ADGRA3: variants seen among roughly 807,000 people sequenced by gnomAD.
ADGRA3 encodes the protein adhesion G protein-coupled receptor A3.
Under a neutral mutation model 119.8 loss-of-function variants are expected in ADGRA3, and 56 were observed. That is an observed-to-expected ratio of 0.47 (90% CI 0.38 to 0.58). ADGRA3 has a LOEUF of 0.58. Ranked by LOEUF, ADGRA3 falls within the 20% of genes least tolerant of loss-of-function variation. ADGRA3 has a pLI of 0.00. For missense variants in ADGRA3, 1,516 were observed against 1,649.0 expected (o/e 0.92, Z 1.40); for synonymous variants, 607 against 623.8 (o/e 0.97, Z 0.40).
chr4:22,390,114 C>T (rs148543783), intron 17 of ADGRA3, among the ~76,000 whole-genome samples: 32 of 151,850 alleles, frequency 2.1e-4, no homozygotes, highest in African/African-American at 6.5e-4. Flanking sequence ...GCCAATAATA[C>T]GTGACCTTCC....
rs1364278998 is a variant in ADGRA3, at chr4:22,487,795, G to C, written c.258-13952C>G. 2.0e-5 allele frequency among the ~76,000 whole-genome samples: 3 copies of C among 152,168 alleles called. No homozygotes were observed. In the East Asian group the frequency reaches 5.8e-4, roughly 29 times the overall value. On this transcript the variant is annotated intron_variant, in intron 1 of 18. Coordinates refer to ENST00000334304, the MANE Select transcript of ADGRA3 (RefSeq NM_145290.4). ...AAATTGAAGATGCTTACTCAAATTT[G>C]TGTTGTTAAATATTTCTCCAATTTA...
intron 1 of ADGRA3, among the ~76,000 whole-genome samples, chr4:22,507,885 T>C (rs1452882145): frequency 3.3e-5 from 5 of 152,190 alleles, no homozygotes; most frequent in Non-Finnish European, 7.3e-5. Flanking sequence ...AGATTGAATA[T>C]ACCCATCCTT....
chr4:22,411,471 T>C (rs2109021059), intron 14 of ADGRA3, among the ~76,000 whole-genome samples: 1 of 152,106 alleles, frequency 6.6e-6, no homozygotes, highest in African/African-American at 2.4e-5. Flanking sequence ...TGGTGGTGCC[T>C]GCCTGTAATC....
At chr4:22,412,579 T>C (rs772600918) in intron 14 of ADGRA3, among the ~76,000 whole-genome samples, 17 of 152,144 alleles carry the variant, frequency 1.1e-4, no homozygotes, top group Non-Finnish European at 2.5e-4. Flanking sequence ...ATCCAAAACA[T>C]TTTTAGTCCC....
intron 4 of ADGRA3, among the ~76,000 whole-genome samples, chr4:22,447,996 C>T (rs2109081511): frequency 6.6e-6 from 1 of 152,226 alleles, no homozygotes; most frequent in Non-Finnish European, 1.5e-5. Context: ...GAGTTCAGGG[C>T]TTAAAATGAG....
rs1719647750 is a variant in ADGRA3 at position 22,515,820 on chromosome 4, C to A, written c.-36G>T. ...GGGGCCTGCGGGGCGAGCGGCGGCG[C>A]ACTGGCCTAGCGGGCCGCCCCGGAG... On this transcript the variant is annotated 5_prime_UTR_variant, in exon 1 of 19. Coordinates refer to ENST00000334304, the MANE Select transcript of ADGRA3 (RefSeq NM_145290.4). 1 of 986,848 alleles carries A rather than the reference C, an allele frequency of 1.0e-6. No individual in the cohort carries two copies. Among genetic ancestry groups the A allele is most frequent in the African/African-American group, 1.8e-5 (1 of 56,896 alleles). 61.1% of individuals were successfully genotyped at this position (986,848 alleles called of 1,614,324 possible).
At chr4:22,489,771 C>G (rs1372228596) in intron 1 of ADGRA3, among the ~76,000 whole-genome samples, 1 of 152,126 alleles carries the variant, frequency 6.6e-6, no homozygotes, top group Non-Finnish European at 1.5e-5. Flanking sequence ...TATATTCTGC[C>G]TTCCCAAACC....
intron 1 of ADGRA3, among the ~76,000 whole-genome samples, chr4:22,497,666 C>CA (rs1718885617): frequency 6.8e-6 from 1 of 147,208 alleles, no homozygotes; most frequent in Non-Finnish European, 1.5e-5. Context: ...TACTAAAATC[C>CA]AAAAAAATTG....
chr4:22,410,829 C>G (rs1715160283), intron 14 of ADGRA3, among the ~76,000 whole-genome samples: 1 of 151,958 alleles, frequency 6.6e-6, no homozygotes, highest in African/African-American at 2.4e-5. Flanking sequence ...CTCTTTGCTG[C>G]CTCTAGATGG....
intron 11 of ADGRA3, among the ~76,000 whole-genome samples, chr4:22,423,153 C>G (rs1319464346): frequency 6.6e-6 from 1 of 151,980 alleles, no homozygotes; most frequent in Non-Finnish European, 1.5e-5. Flanking sequence ...CAAGATAACA[C>G]CACTGCACTC....
intron 11 of ADGRA3, 76 bp downstream of exon 11, chr4:22,424,115 A>G: frequency 8.0e-7 from 1 of 1,242,266 alleles, no homozygotes; most frequent in Non-Finnish European, 1.1e-6. Flanking sequence ...AATGGAGAAG[A>G]CACCTATCTC....
At chr4:22,397,013 C>T (rs931699542) in intron 16 of ADGRA3, among the ~76,000 whole-genome samples, 1 of 152,072 alleles carries the variant, frequency 6.6e-6, no homozygotes, top group Non-Finnish European at 1.5e-5. Flanking sequence ...GCTGAGTACT[C>T]TCCTAATAGA....
chr4:22,480,613 T>A (rs1480199004), intron 1 of ADGRA3, among the ~76,000 whole-genome samples: 1 of 152,214 alleles, frequency 6.6e-6, no homozygotes, highest in Non-Finnish European at 1.5e-5. Flanking sequence ...TCTAAAAATT[T>A]ACCCTAAAGA....
intron 4 of ADGRA3, among the ~76,000 whole-genome samples, chr4:22,451,611 T>TA (rs200795126): frequency 5.3e-5 from 8 of 149,702 alleles, no homozygotes; most frequent in East Asian, 2.0e-4. Flanking sequence ...TTGTTTTTTC[T>TA]AAAAAAAAAA....
intron 12 of ADGRA3, among the ~76,000 whole-genome samples, chr4:22,418,833 GAA>G: frequency 6.6e-6 from 1 of 152,300 alleles, no homozygotes; most frequent in Middle Eastern, 3.4e-3. Context: ...GTGAAATGGT[GAA>G]AAGAGAGGTC....
chr4:22,461,069 G>C (rs902442449), intron 3 of ADGRA3, among the ~76,000 whole-genome samples: 2 of 152,200 alleles, frequency 1.3e-5, no homozygotes, highest in Non-Finnish European at 2.9e-5. Flanking sequence ...AGATACACAT[G>C]AAAATAGCAA....
intron 5 of ADGRA3, among the ~76,000 whole-genome samples, chr4:22,445,646 C>T (rs899544086): frequency 1.3e-5 from 2 of 152,188 alleles, no homozygotes; most frequent in African/African-American, 4.8e-5. Context: ...GTATGTCTAA[C>T]TAGACTGTGA....
intron 10 of ADGRA3, among the ~76,000 whole-genome samples, chr4:22,432,863 G>A (rs113866504): frequency 0.08 from 12,151 of 152,196 alleles, 526 homozygotes; most frequent in Middle Eastern, 0.11. Flanking sequence ...CAATACTTTT[G>A]TTATGAAATC....
intron 12 of ADGRA3, chr4:22,420,404 T>A (rs1715607266): frequency 6.3e-6 from 1 of 158,298 alleles, no homozygotes; most frequent in African/African-American, 2.4e-5. Flanking sequence ...GACATATTTG[T>A]GTTTTCTGCC....
Sources: gnomAD v4.1 joint callset for allele counts (sites outside exome capture counted in the v4.1 genomes callset) on GRCh38, gnomAD v4.1.1 for gene constraint, MANE v1.5 for transcripts, NCBI Gene and HGNC (gene_info 2026-07-23, HGNC 2026-07-21) for gene names.